ZMYM4: variants seen among roughly 807,000 people sequenced by gnomAD.
The protein encoded by ZMYM4 is zinc finger MYM-type containing 4, also known as zinc finger MYM-type protein 4.
In ZMYM4, 31 loss-of-function variants were observed where a neutral mutation model predicts 183.2. The observed-to-expected ratio is 0.17, with a 90% CI of 0.13 to 0.23. ZMYM4 has a LOEUF of 0.23. Among genes scored for constraint, ZMYM4 ranks in the 10% least tolerant of loss-of-function variants. ZMYM4 has a pLI of 1.00. For synonymous variants in ZMYM4, 592 were observed against 631.2 expected (o/e 0.94, Z 0.93); for missense variants, 1,273 against 1,840.3 (o/e 0.69, Z 5.64).
chr1:35,413,955 T>C lies in ZMYM4; in HGVS notation c.3949-17T>C. On this transcript the variant is annotated splice_polypyrimidine_tract_variant and intron_variant, in intron 26 of 29. Transcript: ENST00000314607. ...TCTTTTTATCAACATGTATATTTTC[T>C]TTTTTTTTTCTTGTAGTACCTGTTT... 2 of 1,037,594 alleles carry C rather than the reference T, an allele frequency of 1.9e-6. No homozygotes were observed. Among genetic ancestry groups the C allele is most frequent in the Non-Finnish European group, 2.7e-6 (2 of 736,564 alleles). 64.3% of individuals were successfully genotyped at this position (1,037,594 alleles called of 1,614,324 possible).
Position 35,338,768 on chromosome 1 carries a change from A to G in ZMYM4, c.85+13363A>G, listed in dbSNP as rs528071347. Among the ~76,000 whole-genome samples the G allele has an allele frequency of 2.4e-3, 359 of 152,238 alleles. 1 individual carries two copies. The highest frequency in any genetic ancestry group is 8.5e-3 in the African/African-American group (352 of 41,540). On this transcript the variant is annotated intron_variant, in intron 2 of 29. Coordinates refer to ENST00000314607, the MANE Select transcript of ZMYM4 (RefSeq NM_005095.3). Reference sequence around the variant, plus strand: ...TTGGGTATTTTTAATTTTTTTTGTGAAATGCCTGTTACGTTAAATCTATTA... The same window carrying G: ...TTGGGTATTTTTAATTTTTTTTGTGGAATGCCTGTTACGTTAAATCTATTA...
chr1:35,402,675 A>G (rs1358423345), intron 23 of ZMYM4, among the ~76,000 whole-genome samples: 2 of 152,224 alleles, frequency 1.3e-5, no homozygotes, highest in Non-Finnish European at 1.5e-5. Context: ...ATAGAAATAT[A>G]GATAATTTTT....
intron 2 of ZMYM4, among the ~76,000 whole-genome samples, chr1:35,334,807 T>C (rs1292689692): frequency 6.6e-6 from 1 of 152,228 alleles, no homozygotes; most frequent in Non-Finnish European, 1.5e-5. Context: ...CTCATTTGAC[T>C]CCCTTTTTGT....
intron 7 of ZMYM4, among the ~76,000 whole-genome samples, chr1:35,377,740 T>C (rs1222509768): frequency 6.6e-6 from 1 of 152,246 alleles, no homozygotes; most frequent in African/African-American, 2.4e-5. Flanking sequence ...ATCTTATTAC[T>C]AATAGACAGT....
chr1:35,271,991 A>G (rs1445516425), intron 1 of ZMYM4, among the ~76,000 whole-genome samples: 1 of 152,136 alleles, frequency 6.6e-6, no homozygotes, highest in African/African-American at 2.4e-5. Flanking sequence ...TACATAAATA[A>G]TATTTTTTGA....
At chr1:35,331,109 CT>C (rs1234459877) in intron 2 of ZMYM4, among the ~76,000 whole-genome samples, 1 of 54,198 alleles carries the variant, frequency 1.8e-5, no homozygotes, top group Non-Finnish European at 2.2e-4. Flanking sequence ...TAATTTGAGT[CT>C]TTTTTAAAAA....
At chr1:35,274,959 T>C (rs1021181786) in intron 1 of ZMYM4, among the ~76,000 whole-genome samples, 1 of 152,200 alleles carries the variant, frequency 6.6e-6, no homozygotes, top group East Asian at 1.9e-4. Context: ...ATGGTTAGTG[T>C]TTATATTCTC....
intron 15 of ZMYM4, among the ~76,000 whole-genome samples, chr1:35,390,546 G>A (rs1279856700): frequency 6.6e-6 from 1 of 152,130 alleles, no homozygotes; most frequent in South Asian, 2.1e-4. Flanking sequence ...GCAGGAACAG[G>A]CCATTTTCAC....
Position 35,392,754 on chromosome 1 carries a change from G to A in ZMYM4, c.2766+70G>A, listed in dbSNP as rs1386512394. ...TCATTTTCATACAGTATAAATATGT[G>A]TGAACTAATTTGCCCTCCTTCTTTA... On this transcript the variant is annotated intron_variant, in intron 17 of 29. Transcript: ENST00000314607. 5.8e-6 allele frequency: 7 copies of A among 1,200,034 alleles called. No homozygotes were observed. The Admixed American group carries it at 1.6e-4, about 27-fold the overall frequency. The allele number at this position is 1,200,034 out of a possible 1,614,324, so 74.3% of individuals were successfully genotyped here.
intron 1 of ZMYM4, among the ~76,000 whole-genome samples, chr1:35,289,888 T>TCC (rs1640676805): frequency 6.6e-6 from 1 of 152,198 alleles, no homozygotes; most frequent in Non-Finnish European, 1.5e-5. Context: ...ATAGCTGCTT[T>TCC]TCATACCATT....
intron 1 of ZMYM4, among the ~76,000 whole-genome samples, chr1:35,287,302 A>T (rs759129361): frequency 5.9e-5 from 9 of 151,440 alleles, no homozygotes; most frequent in Admixed American, 2.6e-4. Flanking sequence ...CCTGGCCTCA[A>T]GTGATCCTCC....
Position 35,418,665 on chromosome 1 carries a change from C to T in ZMYM4, c.4439+93C>T, listed in dbSNP as rs567018314. ...TTGAACATCAGAAAAGTAGCTTGCCCGTGGCTTTAGACAAGGATTTACCAT... is the reference window on the plus strand; with the variant it reads ...TTGAACATCAGAAAAGTAGCTTGCCTGTGGCTTTAGACAAGGATTTACCAT... On this transcript the variant is annotated intron_variant, in intron 29 of 29. Coordinates refer to ENST00000314607, the MANE Select transcript of ZMYM4 (RefSeq NM_005095.3). The T allele has an allele frequency of 3.5e-5, 54 of 1,522,576 alleles. No homozygotes were observed. In the East Asian group the frequency reaches 5.8e-4, roughly 16 times the overall value. 94.3% of individuals were successfully genotyped at this position (1,522,576 alleles called of 1,614,324 possible).
intron 7 of ZMYM4, among the ~76,000 whole-genome samples, chr1:35,372,286 GAAT>G (rs1558106831): frequency 6.6e-6 from 1 of 152,200 alleles, no homozygotes; most frequent in East Asian, 1.9e-4. Context: ...GTCATTGTTA[GAAT>G]AATAATTATA....
rs1037591645 is a variant in ZMYM4 at position 35,277,907 on chromosome 1, T to C, written c.39+8822T>C. Among the ~76,000 whole-genome samples the C allele has an allele frequency of 2.0e-5, 3 of 152,176 alleles. No individual in the cohort carries two copies. The East Asian group carries it at 5.8e-4, about 29-fold the overall frequency. On this transcript the variant is annotated intron_variant, in intron 1 of 29. Coordinates refer to ENST00000314607, the MANE Select transcript of ZMYM4 (RefSeq NM_005095.3). Reference sequence around the variant, plus strand: ...TTCTAATTTATCATAGTCATTATTTTTGGTGTTCAATTTGTTGTATCTTTG... The same window carrying C: ...TTCTAATTTATCATAGTCATTATTTCTGGTGTTCAATTTGTTGTATCTTTG...
intron 4 of ZMYM4, 108 bp from the exon 5 acceptor site, chr1:35,361,511 A>AT: frequency 7.8e-7 from 1 of 1,275,924 alleles, no homozygotes; most frequent in East Asian, 2.5e-5. Flanking sequence ...AAGCTAATGA[A>AT]TGTCCATAGA....
chr1:35,355,932 A>T (rs1643804659), intron 2 of ZMYM4, among the ~76,000 whole-genome samples: 1 of 152,194 alleles, frequency 6.6e-6, no homozygotes, highest in African/African-American at 2.4e-5. Context: ...CTGAATTTAA[A>T]TGTAATGATA....
At chr1:35,297,097 G>T (rs969163342) in intron 1 of ZMYM4, among the ~76,000 whole-genome samples, 4 of 151,798 alleles carry the variant, frequency 2.6e-5, no homozygotes, top group African/African-American at 9.7e-5. Flanking sequence ...TGATCCACCT[G>T]CCCTGGCCTT....
At position 35,359,160 on chromosome 1, in the gene ZMYM4, T is replaced by C. The variant is rs749967324; in HGVS notation, c.321T>C (p.Thr107=). 6.2e-7 allele frequency: 1 copy of C among 1,613,712 alleles called. No homozygotes were observed. Among genetic ancestry groups the C allele is most frequent in the Non-Finnish European group, 8.5e-7 (1 of 1,179,714 alleles). The change falls in exon 3 of 30, where the codon ACT becomes ACC. Residue 107 remains threonine, a synonymous_variant. Coordinates refer to ENST00000314607, the MANE Select transcript of ZMYM4 (RefSeq NM_005095.3). ...SKDNLVSSIH[T]DDSLEVERRV... ...ACAATCTTGTTTCTTCAATTCATAC[T>C]GATGATAGCTTGGAAGTAGAGAGAA...
chr1:35,376,065 G>A (rs188278821), intron 7 of ZMYM4, among the ~76,000 whole-genome samples: 11 of 150,468 alleles, frequency 7.3e-5, no homozygotes, highest in Non-Finnish European at 1.5e-4. Flanking sequence ...GACACAGCAG[G>A]ACACTATCTT....
Sources: allele counts gnomAD v4.1 joint callset (sites outside exome capture counted in the v4.1 genomes callset), GRCh38; gene constraint gnomAD v4.1.1; transcripts MANE v1.5; gene names NCBI Gene and HGNC (gene_info 2026-07-23, HGNC 2026-07-21).